The following ST3GAL1 variants were observed in gnomAD, a reference collection of about 807,000 sequenced individuals.
The protein encoded by ST3GAL1 is ST3 beta-galactoside alpha-2,3-sialyltransferase 1.
ST3GAL1 carries 16 observed loss-of-function variants against 34.1 expected under a neutral mutation model. That is an observed-to-expected ratio of 0.47 (90% CI 0.32 to 0.71). ST3GAL1 has a LOEUF of 0.71. ST3GAL1 is among the 30% of genes least tolerant of loss of function. The probability of loss-of-function intolerance (pLI) is 0.04; values close to 1 mark genes in which losing one functional copy is unlikely to be tolerated. For synonymous variants in ST3GAL1, 191 were observed against 184.7 expected, an observed-to-expected ratio of 1.03 and a Z score of -0.28; for missense variants, 353 against 447.4, an observed-to-expected ratio of 0.79 and a Z score of 1.90.
intron 3 of ST3GAL1, among the ~76,000 whole-genome samples, chr8:133,493,964 C>A (rs1012750868): frequency 4.6e-5 from 7 of 152,154 alleles, no homozygotes; most frequent in Non-Finnish European, 8.8e-5. Flanking sequence ...CCAACACCAC[C>A]CTTTATCCAG....
Position 133,497,455 on chromosome 8 carries a change from A to ATTTTTTTTTTTTTTTTTTTTTTTTTTTTT in ST3GAL1, c.-374+1679_-374+1680insAAAAAAAAAAAAAAAAAAAAAAAAAAAAA. 2.0e-5 allele frequency among the ~76,000 whole-genome samples: 2 copies of ATTTTTTTTTTTTTTTTTTTTTTTTTTTTT among 101,242 alleles called. 1 individual carries two copies. The allele number at this position is 101,242 out of a possible 152,430, so 66.4% of individuals were successfully genotyped here. On this transcript the variant is annotated intron_variant, in intron 3 of 9. Transcript: ENST00000522652. Reference sequence around the variant, plus strand: ...CTTCTCTCCCATGCAATTTTGTTGGAATTTTTTTTTTTTTTTTTTTTTTTT... The same window carrying ATTTTTTTTTTTTTTTTTTTTTTTTTTTTT: ...CTTCTCTCCCATGCAATTTTGTTGGATTTTTTTTTTTTTTTTTTTTTTTTTTTTTATTTTTTTTTTTTTTTTTTTTTTTT...
intron 2 of ST3GAL1, among the ~76,000 whole-genome samples, chr8:133,535,090 T>G: frequency 1.3e-5 from 2 of 149,122 alleles, no homozygotes; most frequent in East Asian, 2.0e-4. Context: ...GGAGGAGGAG[T>G]CCCGGAAGAG....
rs1239161760 is a variant in ST3GAL1, at chr8:133,493,494, A to T, written c.-374+5641T>A. On this transcript the variant is annotated intron_variant, in intron 3 of 9. Transcript: ENST00000522652. ...TTTGCATGTGGGGGATGCTGTGTAT[A>T]AGCCTCAGCTCCCTTCAGATGTACA... Among the ~76,000 whole-genome samples, 3 of 152,244 alleles carry T rather than the reference A, an allele frequency of 2.0e-5. No individual in the cohort carries two copies. The East Asian group carries it at 5.8e-4, about 29-fold the overall frequency.
intron 2 of ST3GAL1, among the ~76,000 whole-genome samples, chr8:133,535,356 A>T (rs1310207123): frequency 6.6e-6 from 1 of 152,148 alleles, no homozygotes; most frequent in Non-Finnish European, 1.5e-5. Context: ...GCACTTTCAC[A>T]TACATAGGCA....
At chr8:133,558,227 A>G (rs1184019443) in intron 1 of ST3GAL1, among the ~76,000 whole-genome samples, 2 of 152,208 alleles carry the variant, frequency 1.3e-5, no homozygotes, top group Non-Finnish European at 2.9e-5. Flanking sequence ...CGGAACAAGA[A>G]TGTAATTGAT....
At chr8:133,560,529 A>T (rs1819189304) in intron 1 of ST3GAL1, among the ~76,000 whole-genome samples, 1 of 152,190 alleles carries the variant, frequency 6.6e-6, no homozygotes, top group African/African-American at 2.4e-5. Context: ...CAGGTGGAGA[A>T]AAGTCAGGAA....
At chr8:133,530,305 G>A (rs1195878725) in intron 2 of ST3GAL1, among the ~76,000 whole-genome samples, 1 of 147,612 alleles carries the variant, frequency 6.8e-6, no homozygotes, top group Non-Finnish European at 1.5e-5. Flanking sequence ...TTTTGAGACA[G>A]AGTTTTGCTC....
intron 3 of ST3GAL1, among the ~76,000 whole-genome samples, chr8:133,495,788 G>A (rs1177444289): frequency 6.6e-6 from 1 of 152,164 alleles, no homozygotes; most frequent in Non-Finnish European, 1.5e-5. Flanking sequence ...CTGCCTGCTC[G>A]TCATGACACT....
intron 1 of ST3GAL1, among the ~76,000 whole-genome samples, chr8:133,550,641 A>C (rs1818811732): frequency 6.6e-6 from 1 of 152,222 alleles, no homozygotes; most frequent in African/African-American, 2.4e-5. Context: ...GGAGCCAAGC[A>C]GGGAACTGCT....
intron 2 of ST3GAL1, among the ~76,000 whole-genome samples, chr8:133,536,319 A>T (rs1184683782): frequency 1.3e-5 from 2 of 152,134 alleles, no homozygotes; most frequent in Non-Finnish European, 2.9e-5. Flanking sequence ...TAAAAGGAGG[A>T]AGGACATATT....
intron 2 of ST3GAL1, among the ~76,000 whole-genome samples, chr8:133,531,360 T>C (rs1329638932): frequency 6.6e-6 from 1 of 152,188 alleles, no homozygotes; most frequent in East Asian, 1.9e-4. Flanking sequence ...TAGCTATAGA[T>C]ACATAACCTG....
intron 1 of ST3GAL1, among the ~76,000 whole-genome samples, chr8:133,564,390 G>C (rs1819330106): frequency 6.6e-6 from 1 of 152,134 alleles, no homozygotes; most frequent in Admixed American, 6.5e-5. Context: ...CAGCTCACTG[G>C]AAAACCTATT....
chr8:133,461,292 C>T lies in ST3GAL1; in HGVS notation c.849+583G>A, dbSNP rs1304582641. The stretch of plus-strand genomic sequence containing the variant: ...AGGGAGGAAGTGGGGGCTGTGTGGC[C>T]TGCCCTCCTGCCCCTCTTCCTGGGG... On this transcript the variant is annotated intron_variant, in intron 9 of 9. Transcript: ENST00000522652. This position sits in a 1 kb window ranked among gnomAD's most constrained non-coding sequence, Gnocchi z 4.7. Among the ~76,000 whole-genome samples the T allele has an allele frequency of 6.6e-6, 1 of 152,180 alleles. No individual in the cohort carries two copies. The highest frequency in any genetic ancestry group is 1.5e-5 in the Non-Finnish European group (1 of 68,018).
chr8:133,470,952 C>T (rs1245240954), intron 5 of ST3GAL1, among the ~76,000 whole-genome samples: 1 of 152,170 alleles, frequency 6.6e-6, no homozygotes, highest in African/African-American at 2.4e-5. Flanking sequence ...GAAGTCCTCC[C>T]TATCCACAGG....
intron 2 of ST3GAL1, among the ~76,000 whole-genome samples, chr8:133,544,637 G>A (rs970022572): frequency 5.3e-5 from 8 of 152,130 alleles, no homozygotes; most frequent in South Asian, 4.2e-4. Flanking sequence ...GGCCTCACAC[G>A]GCCCCTGACC....
chr8:133,505,434 G>T (rs1817300943), intron 2 of ST3GAL1, among the ~76,000 whole-genome samples: 1 of 152,186 alleles, frequency 6.6e-6, no homozygotes, highest in South Asian at 2.1e-4. Flanking sequence ...ACTTAAGGCT[G>T]CCTGCCGTGC....
rs1818660579 is a variant in ST3GAL1 at position 133,545,941 on chromosome 8, G to A, written c.-581-15C>T. The A allele has an allele frequency of 1.3e-5, 2 of 152,196 alleles. No homozygotes were observed. Among genetic ancestry groups the A allele is most frequent in the African/African-American group, 4.8e-5 (2 of 41,450 alleles). 9.4% of individuals were successfully genotyped at this position (152,196 alleles called of 1,614,324 possible). ...AATGGTACCAACTGAAAGAGAAGAG[G>A]AGAAAAGTTTAAGTCAGTTTTGACA... On this transcript the variant is annotated splice_polypyrimidine_tract_variant and intron_variant, in intron 1 of 9. Coordinates refer to ENST00000522652, the MANE Select transcript of ST3GAL1 (RefSeq NM_173344.3).
intron 5 of ST3GAL1, among the ~76,000 whole-genome samples, chr8:133,472,033 G>A (rs1316676922): frequency 6.6e-6 from 1 of 152,086 alleles, no homozygotes; most frequent in Admixed American, 6.5e-5. Flanking sequence ...GACTGGGGAA[G>A]AAGGAATCCC....
At chr8:133,510,758 G>A (rs1007414555) in intron 2 of ST3GAL1, among the ~76,000 whole-genome samples, 3 of 152,216 alleles carry the variant, frequency 2.0e-5, no homozygotes, top group African/African-American at 7.2e-5. Context: ...TCTGAGCAGT[G>A]TCTGGTTTTC....
Sources: gnomAD v4.1 joint callset for allele counts (sites outside exome capture counted in the v4.1 genomes callset) on GRCh38, gnomAD v4.1.1 for gene constraint, Gnocchi (gnomAD v3.1) non-coding constraint, MANE v1.5 for transcripts, NCBI Gene and HGNC (gene_info 2026-07-23, HGNC 2026-07-21) for gene names.